The following EYA2 variants were observed in gnomAD, a reference collection of about 807,000 sequenced individuals.
The protein encoded by EYA2 is protein phosphatase EYA2.
In EYA2, 31 loss-of-function variants were observed where a neutral mutation model predicts 69.2. The observed-to-expected ratio is 0.45, with a 90% CI of 0.34 to 0.60. The LOEUF is 0.60. EYA2 is among the 20% of genes least tolerant of loss of function. The probability of loss-of-function intolerance (pLI) is 0.02; values close to 1 mark genes in which losing one functional copy is unlikely to be tolerated. For missense variants in EYA2, 622 were observed against 701.2 expected (o/e 0.89, Z 1.28); for synonymous variants, 257 against 279.4 (o/e 0.92, Z 0.80).
chr20:47,021,188 G>A (rs1487625046), intron 5 of EYA2, among the ~76,000 whole-genome samples: 1 of 152,182 alleles, frequency 6.6e-6, no homozygotes, highest in Non-Finnish European at 1.5e-5. Flanking sequence ...GATGGGCCAT[G>A]TTCTTTCCAA....
chr20:47,177,072 A>G (rs529465712), intron 12 of EYA2, among the ~76,000 whole-genome samples: 1 of 152,200 alleles, frequency 6.6e-6, no homozygotes, highest in East Asian at 1.9e-4. Flanking sequence ...TGCTGGGATT[A>G]CAGGCATGAG....
At chr20:47,121,389 C>T (rs143765307) in intron 9 of EYA2, among the ~76,000 whole-genome samples, 5 of 152,164 alleles carry the variant, frequency 3.3e-5, no homozygotes, top group South Asian at 2.1e-4. Flanking sequence ...CACCGTGCCC[C>T]GCCAGAATTC....
At chr20:46,951,051 G>A (rs1014031551) in intron 1 of EYA2, among the ~76,000 whole-genome samples, 2 of 152,188 alleles carry the variant, frequency 1.3e-5, no homozygotes, top group African/African-American at 4.8e-5. Flanking sequence ...GAGCCTTCAG[G>A]TAAAACATTG....
chr20:47,027,455 C>T (rs1190186007), intron 5 of EYA2, among the ~76,000 whole-genome samples: 1 of 152,230 alleles, frequency 6.6e-6, no homozygotes, highest in African/African-American at 2.4e-5. Context: ...GCAACACCTC[C>T]AGCCTGGGGG....
chr20:47,075,668 T>A (rs1321860679), intron 7 of EYA2, among the ~76,000 whole-genome samples: 2 of 152,328 alleles, frequency 1.3e-5, no homozygotes, highest in African/African-American at 4.8e-5. Context: ...TATACAATCC[T>A]TCAAAACATC....
chr20:47,135,996 G>A (rs1403294985), intron 9 of EYA2, among the ~76,000 whole-genome samples: 1 of 151,982 alleles, frequency 6.6e-6, no homozygotes, highest in Non-Finnish European at 1.5e-5. Context: ...CAGCCTGGGT[G>A]ACATAGGTAG....
chr20:47,097,999 T>C (rs2032303165), intron 9 of EYA2, among the ~76,000 whole-genome samples: 1 of 152,230 alleles, frequency 6.6e-6, no homozygotes, highest in Admixed American at 6.5e-5. Context: ...AAAATATTTC[T>C]GTTTCTGTTT....
chr20:46,900,734 T>A (rs930624608), intron 1 of EYA2, among the ~76,000 whole-genome samples: 1 of 152,246 alleles, frequency 6.6e-6, no homozygotes. Flanking sequence ...TTGATGATCT[T>A]TGAGGCTTTC....
chr20:47,088,002 A>C (rs1216220493), intron 7 of EYA2, among the ~76,000 whole-genome samples: 2 of 152,180 alleles, frequency 1.3e-5, no homozygotes, highest in Non-Finnish European at 2.9e-5. Flanking sequence ...CGAGGCAGGT[A>C]GATCACCTGA....
chr20:47,130,261 C>CTTTTTGTTTTTTTTTTTTTTTT (rs2033305873), intron 9 of EYA2, among the ~76,000 whole-genome samples: 1 of 81,260 alleles, frequency 1.2e-5, no homozygotes, highest in Non-Finnish European at 2.2e-5. Flanking sequence ...GGTTTATTTT[C>CTTTTTGTTTTTTTTTTTTTTTT]TTTTTTTTTT....
At chr20:46,903,055 G>A (rs1984191460) in intron 1 of EYA2, among the ~76,000 whole-genome samples, 1 of 152,190 alleles carries the variant, frequency 6.6e-6, no homozygotes. Flanking sequence ...CAGTGATAGG[G>A]GAAAATTACA....
intron 10 of EYA2, among the ~76,000 whole-genome samples, chr20:47,163,561 G>A (rs1333518071): frequency 6.6e-6 from 1 of 151,918 alleles, no homozygotes; most frequent in East Asian, 1.9e-4. Context: ...AGCTGGGCGT[G>A]GTGGTGCATG....
chr20:46,983,559 A>AT (rs1416092744), intron 1 of EYA2, among the ~76,000 whole-genome samples: 2 of 152,146 alleles, frequency 1.3e-5, no homozygotes, highest in Non-Finnish European at 2.9e-5. Flanking sequence ...GCTCTGCTTA[A>AT]TTTCTTGCCT....
intron 1 of EYA2, among the ~76,000 whole-genome samples, chr20:46,916,235 C>T (rs974466440): frequency 2.0e-5 from 3 of 152,226 alleles, no homozygotes; most frequent in South Asian, 2.1e-4. Context: ...CCTACATCTG[C>T]CCCCCTCCTG....
At chr20:47,124,949 T>C (rs2033141557) in intron 9 of EYA2, among the ~76,000 whole-genome samples, 2 of 152,094 alleles carry the variant, frequency 1.3e-5, no homozygotes, top group Admixed American at 1.3e-4. Flanking sequence ...AACATCTTTC[T>C]TTGTTCTCTT....
intron 1 of EYA2, among the ~76,000 whole-genome samples, chr20:46,980,894 C>T (rs1150446): frequency 0.72 from 109,907 of 152,098 alleles, 40,136 homozygotes; most frequent in Admixed American, 0.82. Context: ...CTTAACATAA[C>T]GACCTCCAGT....
At chr20:47,094,736 A>T (rs913565855) in intron 8 of EYA2, among the ~76,000 whole-genome samples, 3 of 152,220 alleles carry the variant, frequency 2.0e-5, no homozygotes, top group African/African-American at 7.2e-5. Context: ...ACAGTATGAA[A>T]AATAAAGAAC....
intron 1 of EYA2, among the ~76,000 whole-genome samples, chr20:46,932,385 T>C (rs1025965169): frequency 1.4e-4 from 21 of 152,128 alleles, no homozygotes; most frequent in Non-Finnish European, 2.8e-4. Flanking sequence ...GGCTCTGGAA[T>C]AGAGTTTAAA....
chr20:46,965,296 T>C (rs1444237924), intron 1 of EYA2, among the ~76,000 whole-genome samples: 2 of 152,200 alleles, frequency 1.3e-5, no homozygotes, highest in African/African-American at 2.4e-5. Context: ...TACAGCCCAG[T>C]GTAAAAAGGG....
Sources: gnomAD v4.1 joint callset for allele counts (sites outside exome capture counted in the v4.1 genomes callset) on GRCh38, gnomAD v4.1.1 for gene constraint, MANE v1.5 for transcripts, NCBI Gene and HGNC (gene_info 2026-07-23, HGNC 2026-07-21) for gene names.